Variants in EFL1 observed in about 807,000 individuals in gnomAD.
EFL1 encodes elongation factor like GTPase 1, also known as elongation factor-like GTPase 1.
A neutral mutation model predicts 126.7 loss-of-function variants in EFL1; 76 were observed. That is an observed-to-expected ratio of 0.60 (90% CI 0.50 to 0.73). EFL1 has a LOEUF of 0.73. EFL1 is among the 30% of genes least tolerant of loss of function. The pLI is 0.00. For synonymous variants in EFL1, 410 were observed against 448.4 expected (o/e 0.91, Z 1.08); for missense variants, 1,128 against 1,343.2 (o/e 0.84, Z 2.50).
intron 15 of EFL1, among the ~76,000 whole-genome samples, chr15:82,182,982 C>T (rs935759811): frequency 5.3e-4 from 81 of 152,084 alleles, no homozygotes; most frequent in Admixed American, 2.0e-4. Flanking sequence ...TGCTCTGGTA[C>T]TGGGGCATTT....
intron 15 of EFL1, among the ~76,000 whole-genome samples, chr15:82,174,879 A>G (rs1435012876): frequency 2.0e-5 from 3 of 152,242 alleles, no homozygotes; most frequent in Admixed American, 2.0e-4. Context: ...AAGTCAATTC[A>G]GGAATTATGG....
At chr15:82,213,900 A>G (rs1477417669) in intron 15 of EFL1, among the ~76,000 whole-genome samples, 1 of 152,270 alleles carries the variant, frequency 6.6e-6, no homozygotes, top group East Asian at 1.9e-4. Context: ...CTGTAGGTGA[A>G]TAGCAAAATG....
chr15:82,138,081 A>G (rs907062055), intron 19 of EFL1, among the ~76,000 whole-genome samples: 25 of 151,932 alleles, frequency 1.6e-4, no homozygotes, highest in Non-Finnish European at 3.4e-4. Context: ...ACCTACCTTT[A>G]CCTACACTGA....
At chr15:82,149,033 A>G (rs1377863520) in intron 18 of EFL1, among the ~76,000 whole-genome samples, 2 of 152,004 alleles carry the variant, frequency 1.3e-5, no homozygotes, top group Non-Finnish European at 2.9e-5. Context: ...GATGTAAAGG[A>G]CCGTAACTTC....
rs774152799 is a variant in EFL1, at chr15:82,157,810, G to T, written c.1933C>A (p.Pro645Thr). 8 of 1,613,904 alleles carry T rather than the reference G, an allele frequency of 5.0e-6. No individual in the cohort carries two copies. Among genetic ancestry groups the T allele is most frequent in the Middle Eastern group, 1.6e-4 (1 of 6,084 alleles). ...KGMKLLNQADPCVQILIQETG... is the reference protein window; with the variant it reads ...KGMKLLNQADTCVQILIQETG... ...TCCTGAATTAAAATCTGGACACAGG[G>T]ATCAGCCTGGTTTAACAGTTTCATT... The change falls in exon 17 of 20, where the codon CCC (proline) becomes ACC (threonine). Residue 645 changes from proline (P) to threonine (T), a missense_variant. This residue lies in a region of EFL1 where 561 missense variants were observed against 641.7 expected (regional missense o/e 0.87). Transcript: ENST00000268206.
At chr15:82,175,079 C>T (rs2074179963) in intron 15 of EFL1, among the ~76,000 whole-genome samples, 1 of 152,156 alleles carries the variant, frequency 6.6e-6, no homozygotes, top group Non-Finnish European at 1.5e-5. Context: ...GAGATGAAGA[C>T]AGAAATCCCA....
At chr15:82,218,933 T>A (rs1211526011) in intron 14 of EFL1, among the ~76,000 whole-genome samples, 1 of 152,122 alleles carries the variant, frequency 6.6e-6, no homozygotes, top group Non-Finnish European at 1.5e-5. Context: ...GACAGGCTGC[T>A]TCCTGCACAG....
At chr15:82,186,733 T>C (rs1282943675) in intron 15 of EFL1, among the ~76,000 whole-genome samples, 1 of 152,226 alleles carries the variant, frequency 6.6e-6, no homozygotes, top group Non-Finnish European at 1.5e-5. Flanking sequence ...CTGAGTGTTC[T>C]ATTCCACCCT....
At chr15:82,253,316 G>A (rs1279552209) in intron 3 of EFL1, among the ~76,000 whole-genome samples, 1 of 151,844 alleles carries the variant, frequency 6.6e-6, no homozygotes, top group Non-Finnish European at 1.5e-5. Flanking sequence ...CTGGCATTAC[G>A]GGCATGAGCT....
intron 15 of EFL1, among the ~76,000 whole-genome samples, chr15:82,169,593 A>G (rs140003289): frequency 1.3e-5 from 2 of 152,280 alleles, no homozygotes; most frequent in South Asian, 2.1e-4. Context: ...TATCATTCAT[A>G]TTAGTTCTTT....
At chr15:82,211,774 A>G (rs1371903393) in intron 15 of EFL1, among the ~76,000 whole-genome samples, 2 of 152,194 alleles carry the variant, frequency 1.3e-5, no homozygotes, top group Non-Finnish European at 2.9e-5. Context: ...TAAAAAAGTA[A>G]TTCTATGACT....
At chr15:82,227,633 T>C in intron 10 of EFL1, 61 bp from the exon 11 acceptor site, 2 of 1,610,122 alleles carry the variant, frequency 1.2e-6, no homozygotes, top group Admixed American at 3.3e-5. Flanking sequence ...AGGCGAAGAT[T>C]CACTGTATGC....
chr15:82,176,781 C>T (rs548727480), intron 15 of EFL1, among the ~76,000 whole-genome samples: 1 of 152,268 alleles, frequency 6.6e-6, no homozygotes, highest in East Asian at 1.9e-4. Context: ...AATTTCTCTT[C>T]CATCAGAAAG....
chr15:82,186,937 C>G (rs1448119161), intron 15 of EFL1, among the ~76,000 whole-genome samples: 1 of 152,210 alleles, frequency 6.6e-6, no homozygotes, highest in African/African-American at 2.4e-5. Flanking sequence ...TGAGCACTCC[C>G]TCACTGGAAC....
At chr15:82,258,827 C>A (rs1270093542) in intron 3 of EFL1, among the ~76,000 whole-genome samples, 1 of 152,258 alleles carries the variant, frequency 6.6e-6, no homozygotes, top group Admixed American at 6.5e-5. Flanking sequence ...ATCTCTTGCG[C>A]TGTGAAATCT....
Position 82,230,927 on chromosome 15 carries a change from T to A in EFL1, c.776A>T (p.Lys259Ile). ...ARIYSQKIGI[K>I]KEVLMKTLWG... ...CAAGGTTTTCATAAGAACTTCCTTTTTGATGCCAATTTTTTGACTGTAGAT... is the reference window on the plus strand; with the variant it reads ...CAAGGTTTTCATAAGAACTTCCTTTATGATGCCAATTTTTTGACTGTAGAT... The change falls in exon 8 of 20, where the codon AAA (lysine) becomes ATA (isoleucine). Residue 259 changes from lysine to isoleucine, a missense_variant. This residue lies in a region of EFL1 where 316 missense variants were observed against 318.5 expected (regional missense o/e 0.99). Coordinates refer to ENST00000268206, the MANE Select transcript of EFL1 (RefSeq NM_024580.6). 3 of 1,613,478 alleles carry A rather than the reference T, an allele frequency of 1.9e-6. No homozygotes were observed. The highest frequency in any genetic ancestry group is 2.2e-5 in the East Asian group (1 of 44,840).
chr15:82,218,925 C>G (rs1473072818), intron 14 of EFL1, among the ~76,000 whole-genome samples: 3 of 152,154 alleles, frequency 2.0e-5, no homozygotes, highest in Non-Finnish European at 4.4e-5. Flanking sequence ...TATCTACAGA[C>G]AGGCTGCTTC....
At chr15:82,178,455 T>C (rs190601570) in intron 15 of EFL1, among the ~76,000 whole-genome samples, 1 of 152,154 alleles carries the variant, frequency 6.6e-6, no homozygotes, top group African/African-American at 2.4e-5. Context: ...GTTTCTGGAG[T>C]AGTGGAAATG....
intron 18 of EFL1, among the ~76,000 whole-genome samples, chr15:82,140,749 C>T (rs998123584): frequency 1.3e-5 from 2 of 152,198 alleles, no homozygotes; most frequent in East Asian, 3.8e-4. Flanking sequence ...CAATTCCATT[C>T]TCCCCATTCC....
Sources: allele counts gnomAD v4.1 joint callset (sites outside exome capture counted in the v4.1 genomes callset), GRCh38; gene constraint gnomAD v4.1.1; regional missense constraint gnomAD v4.1.1; transcripts MANE v1.5; gene names NCBI Gene and HGNC (gene_info 2026-07-23, HGNC 2026-07-21).